PLB1: variants seen among roughly 807,000 people sequenced by gnomAD.
The protein encoded by PLB1 is phospholipase B1, membrane-associated.
PLB1 carries 242 observed loss-of-function variants against 227.4 expected under a neutral mutation model. The observed-to-expected ratio is 1.06, with a 90% confidence interval of 0.96 to 1.18. The LOEUF is 1.18. Ranked by LOEUF, PLB1 falls within the 50% of genes most tolerant of loss-of-function variation. The pLI is 0.00. For synonymous variants in PLB1, 757 were observed against 682.2 expected (o/e 1.11, Z -1.71); for missense variants, 1,858 against 1,816.3 (o/e 1.02, Z -0.42).
chr2:28,641,260 G>A (rs371088518), intron 57 of PLB1, among the ~76,000 whole-genome samples: 7 of 152,168 alleles, frequency 4.6e-5, no homozygotes, highest in South Asian at 2.1e-4. Context: ...GAGCACTGGC[G>A]GGTGTCTCGG....
intron 1 of PLB1, among the ~76,000 whole-genome samples, chr2:28,514,169 T>C (rs1668576646): frequency 6.6e-6 from 1 of 152,252 alleles, no homozygotes; most frequent in African/African-American, 2.4e-5. Context: ...TAAAAAATTG[T>C]TGTTCCAGCA....
intron 1 of PLB1, among the ~76,000 whole-genome samples, chr2:28,503,608 A>G (rs1322659613): frequency 2.0e-5 from 3 of 152,196 alleles, no homozygotes; most frequent in Admixed American, 6.5e-5. Context: ...TGTTCCACAT[A>G]GTATCATCTG....
At chr2:28,579,795 C>A in intron 23 of PLB1, 88 bp downstream of exon 23, 3 of 1,132,054 alleles carry the variant, frequency 2.7e-6, no homozygotes, top group Non-Finnish European at 4.0e-6. Context: ...AGGAGTACAG[C>A]TAAGTTGGGA....
At chr2:28,615,299 A>G (rs1293283551) in intron 44 of PLB1, among the ~76,000 whole-genome samples, 1 of 152,124 alleles carries the variant, frequency 6.6e-6, no homozygotes, top group African/African-American at 2.4e-5. Context: ...ACAAAGCCTG[A>G]ATTACTGAGT....
intron 37 of PLB1, 112 bp downstream of exon 37, chr2:28,601,444 A>G (rs903248955): frequency 2.6e-6 from 2 of 779,882 alleles, no homozygotes; most frequent in South Asian, 1.5e-5. Context: ...ATCCACCTAC[A>G]CCTATGTCTG....
At chr2:28,591,246 G>T in intron 30 of PLB1, 75 bp downstream of exon 30, 1 of 1,575,080 alleles carries the variant, frequency 6.3e-7, no homozygotes, top group Non-Finnish European at 8.7e-7. Context: ...AGGCCCAACA[G>T]GACAGGGTGG....
At chr2:28,625,538 G>A (rs1376277108) in intron 50 of PLB1, among the ~76,000 whole-genome samples, 1 of 151,516 alleles carries the variant, frequency 6.6e-6, no homozygotes, top group Non-Finnish European at 1.5e-5. Flanking sequence ...CAGTGTTTAT[G>A]CCTAGGAATT....
At chr2:28,573,490 C>T (rs1339438408) in intron 21 of PLB1, among the ~76,000 whole-genome samples, 185 bp downstream of exon 21, 3 of 152,214 alleles carry the variant, frequency 2.0e-5, no homozygotes, top group Admixed American at 6.5e-5. Flanking sequence ...CCCTAACACC[C>T]ACCCCCAGAA....
chr2:28,585,970 AT>A, intron 26 of PLB1, 128 bp downstream of exon 26: 1 of 790,948 alleles, frequency 1.3e-6, no homozygotes, highest in Non-Finnish European at 2.1e-6. Context: ...TAGTTTGCTG[AT>A]TTTAAAACAC....
chr2:28,560,585 G>T (rs533358174), intron 17 of PLB1, among the ~76,000 whole-genome samples: 1 of 152,294 alleles, frequency 6.6e-6, no homozygotes, highest in East Asian at 1.9e-4. Flanking sequence ...GGCCGAGGCT[G>T]CAGTGAGCCA....
chr2:28,636,732 G>A (rs1431667399), intron 56 of PLB1, among the ~76,000 whole-genome samples: 1 of 152,144 alleles, frequency 6.6e-6, no homozygotes, highest in African/African-American at 2.4e-5. Flanking sequence ...CCTCACTGAA[G>A]AAGTGACAGC....
intron 44 of PLB1, among the ~76,000 whole-genome samples, chr2:28,614,623 G>A (rs1047624655): frequency 1.3e-5 from 2 of 152,160 alleles, no homozygotes; most frequent in African/African-American, 2.4e-5. Flanking sequence ...AGCCTAGGAC[G>A]GCCACTGCAA....
chr2:28,512,118 T>G (rs1428787100), intron 1 of PLB1, among the ~76,000 whole-genome samples: 2 of 130,938 alleles, frequency 1.5e-5, no homozygotes, highest in African/African-American at 2.8e-5. Flanking sequence ...CTTCTGGGGC[T>G]CATATTACAT....
At chr2:28,606,673 C>T (rs1050876281) in intron 43 of PLB1, 106 bp downstream of exon 43, 1 of 1,012,982 alleles carries the variant, frequency 9.9e-7, no homozygotes, top group Admixed American at 1.8e-5. Flanking sequence ...ATCTTGCCCC[C>T]TTACTGAGGC....
intron 6 of PLB1, among the ~76,000 whole-genome samples, chr2:28,529,034 A>G (rs926580786): frequency 7.0e-6 from 1 of 142,046 alleles, no homozygotes; most frequent in African/African-American, 2.7e-5. Flanking sequence ...TGCAGTCTTG[A>G]CCTCCTGGGC....
At chr2:28,521,570 T>C (rs149808607) in intron 4 of PLB1, among the ~76,000 whole-genome samples, 1 of 152,332 alleles carries the variant, frequency 6.6e-6, no homozygotes, top group East Asian at 1.9e-4. Flanking sequence ...CATCTTTTCA[T>C]GCACTTGTTG....
intron 16 of PLB1, among the ~76,000 whole-genome samples, chr2:28,552,311 C>T (rs1159060368): frequency 6.6e-6 from 1 of 152,166 alleles, no homozygotes; most frequent in African/African-American, 2.4e-5. Flanking sequence ...AGGGTAACTA[C>T]TTGGGCAAAG....
chr2:28,555,516 G>A (rs1674936284), intron 17 of PLB1, among the ~76,000 whole-genome samples: 1 of 152,150 alleles, frequency 6.6e-6, no homozygotes, highest in Non-Finnish European at 1.5e-5. Flanking sequence ...CAGCACAGGT[G>A]CATATTATTA....
At chr2:28,514,524 C>T (rs1668624750) in intron 1 of PLB1, among the ~76,000 whole-genome samples, 1 of 152,144 alleles carries the variant, frequency 6.6e-6, no homozygotes, top group Non-Finnish European at 1.5e-5. Context: ...TTTTGTGATG[C>T]ATGAAAATTA....
Sources: gnomAD v4.1 joint callset for allele counts (sites outside exome capture counted in the v4.1 genomes callset) on GRCh38, gnomAD v4.1.1 for gene constraint, MANE v1.5 for transcripts, NCBI Gene and HGNC (gene_info 2026-07-23, HGNC 2026-07-21) for gene names.